The following RNF150 variants were observed in gnomAD, a reference collection of about 807,000 sequenced individuals.
The protein encoded by RNF150 is ring finger protein 150.
A neutral mutation model predicts 39.3 loss-of-function variants in RNF150; 24 were observed. The observed-to-expected ratio is 0.61, with a 90% CI of 0.44 to 0.86. The LOEUF (loss-of-function observed/expected upper bound fraction) is 0.86, where lower values mean the gene tolerates loss of function less well. RNF150 is among the 40% of genes least tolerant of loss of function. The pLI is 0.00. For missense variants in RNF150, 502 were observed against 587.8 expected, an observed-to-expected ratio of 0.85 and a Z score of 1.51; for synonymous variants, 255 against 227.3, an observed-to-expected ratio of 1.12 and a Z score of -1.10.
intron 1 of RNF150, among the ~76,000 whole-genome samples, chr4:141,057,037 C>G (rs1257925407): frequency 6.6e-6 from 1 of 152,082 alleles, no homozygotes; most frequent in African/African-American, 2.4e-5. Context: ...TATTTAACCT[C>G]TCTGTGTTTT....
intron 5 of RNF150, among the ~76,000 whole-genome samples, chr4:140,922,751 G>C (rs534240049): frequency 3.9e-4 from 60 of 152,074 alleles, no homozygotes; most frequent in African/African-American, 1.4e-3. Flanking sequence ...AAAACAGCAT[G>C]GTACTGGTAC....
intron 6 of RNF150, among the ~76,000 whole-genome samples, chr4:140,881,569 C>G (rs908907102): frequency 1.3e-5 from 2 of 152,058 alleles, no homozygotes; most frequent in Non-Finnish European, 1.5e-5. Flanking sequence ...CTTCTTTGAC[C>G]CACTGGTTAT....
At chr4:140,948,529 A>G (rs1001897343) in intron 3 of RNF150, among the ~76,000 whole-genome samples, 4 of 152,140 alleles carry the variant, frequency 2.6e-5, no homozygotes, top group African/African-American at 4.8e-5. Flanking sequence ...AAGACATACT[A>G]TTGCTTTTGG....
chr4:141,078,690 T>TGA (rs1464660167), intron 1 of RNF150, among the ~76,000 whole-genome samples: 1 of 147,856 alleles, frequency 6.8e-6, no homozygotes, highest in Admixed American at 6.8e-5. Flanking sequence ...CTCAGGAGGC[T>TGA]GAGGCAGGAG....
At chr4:141,196,924 G>A (rs933063293) in intron 1 of RNF150, among the ~76,000 whole-genome samples, 4 of 152,134 alleles carry the variant, frequency 2.6e-5, no homozygotes, top group South Asian at 2.1e-4. Flanking sequence ...TCAATTAAAC[G>A]GTGGTCCATC....
intron 6 of RNF150, among the ~76,000 whole-genome samples, chr4:140,872,735 A>T (rs951735620): frequency 6.6e-6 from 1 of 152,234 alleles, no homozygotes; most frequent in Non-Finnish European, 1.5e-5. Context: ...GATGCCATTT[A>T]TTGAGCCAGA....
At chr4:140,931,096 C>T (rs776538813) in intron 4 of RNF150, among the ~76,000 whole-genome samples, 10 of 150,770 alleles carry the variant, frequency 6.6e-5, no homozygotes, top group South Asian at 2.1e-4. Flanking sequence ...AGAGAAGGGG[C>T]GGGGAAAGGG....
At chr4:140,962,950 A>G (rs1473436618) in intron 2 of RNF150, among the ~76,000 whole-genome samples, 5 of 151,990 alleles carry the variant, frequency 3.3e-5, no homozygotes, top group Non-Finnish European at 7.4e-5. Flanking sequence ...CAGAACATAA[A>G]ACATACATGG....
At chr4:141,126,701 T>C (rs1170451604) in intron 1 of RNF150, among the ~76,000 whole-genome samples, 2 of 152,150 alleles carry the variant, frequency 1.3e-5, no homozygotes, top group Non-Finnish European at 2.9e-5. Context: ...AGTTACTGGG[T>C]TTTCTGATCA....
chr4:141,145,929 A>G (rs1042724235), intron 1 of RNF150, among the ~76,000 whole-genome samples: 12 of 152,194 alleles, frequency 7.9e-5, no homozygotes, highest in African/African-American at 2.9e-4. Context: ...TATAGCATCA[A>G]ACACGGCTGC....
intron 4 of RNF150, among the ~76,000 whole-genome samples, chr4:140,936,278 A>T (rs1375642571): frequency 6.6e-6 from 1 of 152,106 alleles, no homozygotes; most frequent in East Asian, 1.9e-4. Context: ...ATATGCATTC[A>T]TTTCTCTCAG....
intron 6 of RNF150, among the ~76,000 whole-genome samples, chr4:140,871,401 A>C (rs550179586): frequency 1.3e-5 from 2 of 152,260 alleles, no homozygotes; most frequent in East Asian, 3.9e-4. Context: ...TATTTAGTAC[A>C]AGTATACACG....
chr4:140,932,457 T>A (rs775059023), intron 4 of RNF150, among the ~76,000 whole-genome samples: 2 of 152,194 alleles, frequency 1.3e-5, no homozygotes, highest in Non-Finnish European at 2.9e-5. Context: ...AAGTAAATTA[T>A]CTGAAGAGCT....
chr4:141,038,119 G>A (rs1177041562), intron 1 of RNF150, among the ~76,000 whole-genome samples: 4 of 152,164 alleles, frequency 2.6e-5, no homozygotes, highest in Non-Finnish European at 5.9e-5. Flanking sequence ...TATGTCCTAT[G>A]TACATGTGTA....
intron 1 of RNF150, among the ~76,000 whole-genome samples, chr4:140,974,169 A>T (rs906503042): frequency 5.9e-5 from 9 of 152,162 alleles, no homozygotes; most frequent in Non-Finnish European, 1.0e-4. Flanking sequence ...CATCAATAAG[A>T]AATCCCCTCA....
In RNF150 at chr4:140,861,555, T is replaced by C. The variant is rs781460826; in HGVS notation, c.*6706A>G. On this transcript the variant is annotated 3_prime_UTR_variant, in exon 7 of 7. Transcript: ENST00000515673. ...GCGATTACTCCAGCAGAGGGCACTCTGCTCCTTGCAATAACATCCTACTGA... is the reference window on the plus strand; with the variant it reads ...GCGATTACTCCAGCAGAGGGCACTCCGCTCCTTGCAATAACATCCTACTGA... 4 of 152,242 alleles carry C rather than the reference T, an allele frequency of 2.6e-5. No homozygotes were observed. The highest frequency in any genetic ancestry group is 5.9e-5 in the Non-Finnish European group (4 of 68,040). 9.4% of individuals were successfully genotyped at this position (152,242 alleles called of 1,614,324 possible).
At chr4:141,023,543 C>T (rs375419119) in intron 1 of RNF150, among the ~76,000 whole-genome samples, 15 of 127,334 alleles carry the variant, frequency 1.2e-4, no homozygotes, top group African/African-American at 3.1e-4. Context: ...CGTGAGTCTC[C>T]GCACCTGGCT....
intron 1 of RNF150, among the ~76,000 whole-genome samples, chr4:141,025,915 G>T (rs891481661): frequency 3.9e-5 from 6 of 152,054 alleles, no homozygotes; most frequent in Non-Finnish European, 7.4e-5. Flanking sequence ...TTGGACGTAG[G>T]GCCTTTCAAC....
At chr4:140,918,291 C>T (rs1352260566) in intron 5 of RNF150, among the ~76,000 whole-genome samples, 5 of 152,084 alleles carry the variant, frequency 3.3e-5, no homozygotes, top group Non-Finnish European at 5.9e-5. Flanking sequence ...TGATAGACCA[C>T]TAGCAAGACG....
Sources: allele counts gnomAD v4.1 joint callset (sites outside exome capture counted in the v4.1 genomes callset), GRCh38; gene constraint gnomAD v4.1.1; transcripts MANE v1.5; gene names NCBI Gene and HGNC (gene_info 2026-07-23, HGNC 2026-07-21).